The following FAF1 variants were observed in gnomAD, a reference collection of about 807,000 sequenced individuals.
FAF1 encodes the protein Fas associated factor 1, also known as FAS-associated factor 1.
A neutral mutation model predicts 92.5 loss-of-function variants in FAF1; 25 were observed. The ratio of observed to expected loss-of-function variants is 0.27; its 90% CI spans 0.20 to 0.38. FAF1 has a LOEUF of 0.38. FAF1 is among the 10% of genes least tolerant of loss of function. The pLI is 1.00. For missense variants in FAF1, 636 were observed against 793.3 expected (o/e 0.80, Z 2.38); for synonymous variants, 234 against 273.2 (o/e 0.86, Z 1.42).
Position 50,583,853 on chromosome 1 carries a change from C to G in FAF1, c.968-138G>C. 1.9e-6 allele frequency: 1 copy of G among 524,502 alleles called. No homozygotes were observed. The highest frequency in any genetic ancestry group is 3.4e-5 in the South Asian group (1 of 29,692). The allele number at this position is 524,502 out of a possible 1,614,324, so 32.5% of individuals were successfully genotyped here. On this transcript the variant is annotated intron_variant, in intron 10 of 18. Transcript: ENST00000396153. This position sits in a 1 kb window ranked among gnomAD's most constrained non-coding sequence, Gnocchi z 4.2. ...AGGAAATAAAATTAAATTTTAGCTT[C>G]TGTGATATATCTGAGGGGATAGTTT...
chr1:50,869,016 G>A (rs147964238), intron 1 of FAF1, among the ~76,000 whole-genome samples: 7 of 152,160 alleles, frequency 4.6e-5, no homozygotes, highest in African/African-American at 1.7e-4. Context: ...ATTTGTACTT[G>A]TGGATTTGTC....
chr1:50,456,500 T>C (rs770010731), intron 18 of FAF1, among the ~76,000 whole-genome samples: 2 of 152,158 alleles, frequency 1.3e-5, no homozygotes, highest in Non-Finnish European at 2.9e-5. Flanking sequence ...GGCCTCTCAC[T>C]TGCCTGTCCT....
chr1:50,761,139 A>C (rs998226304), intron 4 of FAF1, among the ~76,000 whole-genome samples: 1 of 152,232 alleles, frequency 6.6e-6, no homozygotes, highest in Non-Finnish European at 1.5e-5. Context: ...CTAAACCAGG[A>C]AGAAGTTGAA....
At chr1:50,604,001 A>G (rs1478568687) in intron 8 of FAF1, among the ~76,000 whole-genome samples, 7 of 152,220 alleles carry the variant, frequency 4.6e-5, no homozygotes, top group Non-Finnish European at 8.8e-5. Flanking sequence ...TAATGAAATA[A>G]ACACCAACAG....
intron 8 of FAF1, among the ~76,000 whole-genome samples, chr1:50,635,038 A>C (rs983487700): frequency 6.6e-6 from 1 of 152,198 alleles, no homozygotes; most frequent in Admixed American, 6.5e-5. Context: ...TGTAAACTAC[A>C]AATCACTATA....
At chr1:50,864,698 A>G in intron 1 of FAF1, among the ~76,000 whole-genome samples, 1 of 152,140 alleles carries the variant, frequency 6.6e-6, no homozygotes, top group Middle Eastern at 3.2e-3. Context: ...TTCAAGATGG[A>G]TTAAAGACTT....
At chr1:50,637,819 T>G (rs941954331) in intron 8 of FAF1, among the ~76,000 whole-genome samples, 1 of 151,754 alleles carries the variant, frequency 6.6e-6, no homozygotes, top group African/African-American at 2.4e-5. Flanking sequence ...CTCTCAGAAA[T>G]TTTTTCCTAT....
chr1:50,749,265 T>C (rs2124506364), intron 4 of FAF1, among the ~76,000 whole-genome samples: 1 of 152,236 alleles, frequency 6.6e-6, no homozygotes, highest in Middle Eastern at 3.4e-3. Flanking sequence ...CAGAAACCAA[T>C]CTCCAAGACC....
At chr1:50,670,601 T>C (rs116692933) in intron 7 of FAF1, among the ~76,000 whole-genome samples, 10,021 of 152,278 alleles carry the variant, frequency 0.066, 409 homozygotes, top group East Asian at 0.091. Flanking sequence ...TTCAAAATTA[T>C]ACTTTTATTA....
At chr1:50,503,234 A>T (rs981802294) in intron 15 of FAF1, among the ~76,000 whole-genome samples, 1 of 152,212 alleles carries the variant, frequency 6.6e-6, no homozygotes, top group African/African-American at 2.4e-5. Context: ...TAGTTGTGCA[A>T]TATTGCAAAT....
intron 2 of FAF1, among the ~76,000 whole-genome samples, chr1:50,841,582 T>G (rs368415637): frequency 6.6e-6 from 1 of 151,986 alleles, no homozygotes; most frequent in Non-Finnish European, 1.5e-5. Context: ...TTTTTTCCCT[T>G]TCTTTCTTTG....
At chr1:50,612,340 A>C in intron 8 of FAF1, 1 of 1,241,190 alleles carries the variant, frequency 8.1e-7, no homozygotes, top group South Asian at 1.3e-5. Context: ...CCTCAAGCAG[A>C]TTCCTCATTT....
intron 4 of FAF1, among the ~76,000 whole-genome samples, chr1:50,767,324 C>G (rs1396065717): frequency 6.6e-6 from 1 of 152,014 alleles, no homozygotes; most frequent in African/African-American, 2.4e-5. Context: ...ATTAAGAGAC[C>G]ACATCTACAT....
chr1:50,620,911 T>G lies in FAF1; in HGVS notation c.745-24695A>C, dbSNP rs534352256. 1.4e-3 allele frequency among the ~76,000 whole-genome samples: 215 copies of G among 152,354 alleles called. 1 individual carries two copies. The highest frequency in any genetic ancestry group is 2.1e-3 in the Non-Finnish European group (141 of 68,032). On this transcript the variant is annotated intron_variant, in intron 8 of 18. Coordinates refer to ENST00000396153, the MANE Select transcript of FAF1 (RefSeq NM_007051.3). ...TGAGCCTTGGGGGTGCCCCCTCCAG[T>G]CACTGGCACTGTGCCTGCATTTTCT...
chr1:50,553,985 G>C (rs1649431339), intron 13 of FAF1, among the ~76,000 whole-genome samples: 1 of 151,830 alleles, frequency 6.6e-6, no homozygotes. Context: ...AGCTAAGCAT[G>C]TTATAGAAAA....
intron 6 of FAF1, among the ~76,000 whole-genome samples, chr1:50,734,148 C>A (rs192859777): frequency 1.2e-4 from 19 of 152,290 alleles, no homozygotes; most frequent in Middle Eastern, 3.4e-3. Context: ...TTCCTACTTG[C>A]TGTCTCTTAC....
chr1:50,596,825 T>C (rs1039561704), intron 8 of FAF1, among the ~76,000 whole-genome samples: 1 of 152,194 alleles, frequency 6.6e-6, no homozygotes, highest in African/African-American at 2.4e-5. Flanking sequence ...AGTTTACTTG[T>C]CAAAACTGGT....
chr1:50,502,572 C>G (rs1255905531), intron 15 of FAF1, among the ~76,000 whole-genome samples: 2 of 152,110 alleles, frequency 1.3e-5, no homozygotes, highest in Non-Finnish European at 2.9e-5. Context: ...GCAGTTGACT[C>G]ACAAGTATAA....
At chr1:50,880,032 T>C (rs923449117) in intron 1 of FAF1, among the ~76,000 whole-genome samples, 6 of 152,248 alleles carry the variant, frequency 3.9e-5, no homozygotes, top group African/African-American at 1.4e-4. Flanking sequence ...ATCTTCTCTA[T>C]TATTTATGCT....
Sources: allele counts gnomAD v4.1 joint callset (sites outside exome capture counted in the v4.1 genomes callset), GRCh38; gene constraint gnomAD v4.1.1; non-coding constraint Gnocchi (gnomAD v3.1); transcripts MANE v1.5; gene names NCBI Gene and HGNC (gene_info 2026-07-23, HGNC 2026-07-21).